Variants in ATP8A2 observed in about 807,000 individuals in gnomAD.
ATP8A2 encodes ATPase phospholipid transporting 8A2.
Under a neutral mutation model 165.6 loss-of-function variants are expected in ATP8A2, and 100 were observed. The ratio of observed to expected loss-of-function variants is 0.60; its 90% CI spans 0.51 to 0.71. The LOEUF is 0.71. Among genes scored for constraint, ATP8A2 ranks in the 30% least tolerant of loss-of-function variants. The probability of loss-of-function intolerance (pLI) is 0.00; values close to 1 mark genes in which losing one functional copy is unlikely to be tolerated. For synonymous variants in ATP8A2, 543 were observed against 548.8 expected (o/e 0.99, Z 0.15); for missense variants, 1,227 against 1,479.5 (o/e 0.83, Z 2.80).
intron 25 of ATP8A2, among the ~76,000 whole-genome samples, chr13:25,738,455 G>A (rs1265626144): frequency 6.6e-6 from 1 of 151,170 alleles, no homozygotes; most frequent in African/African-American, 2.4e-5. Context: ...CTACCACCAT[G>A]GCTGGGCATG....
chr13:25,555,157 A>G, intron 13 of ATP8A2, 89 bp downstream of exon 13: 1 of 909,522 alleles, frequency 1.1e-6, no homozygotes. Flanking sequence ...AGATTTTGCA[A>G]AAATACTTCT....
intron 33 of ATP8A2, among the ~76,000 whole-genome samples, chr13:25,925,570 C>T (rs1429743466): frequency 6.6e-6 from 1 of 151,930 alleles, no homozygotes; most frequent in Non-Finnish European, 1.5e-5. Context: ...GATGGGTCTC[C>T]TTCTTGACAG....
chr13:25,650,151 A>G (rs2041776484), intron 24 of ATP8A2, among the ~76,000 whole-genome samples: 1 of 152,192 alleles, frequency 6.6e-6, no homozygotes, highest in African/African-American at 2.4e-5. Context: ...GGGTGGGGCA[A>G]TGTTGTCAAA....
At chr13:25,626,965 A>C (rs1310217714) in intron 24 of ATP8A2, among the ~76,000 whole-genome samples, 2 of 152,148 alleles carry the variant, frequency 1.3e-5, no homozygotes, top group Non-Finnish European at 2.9e-5. Flanking sequence ...AGTATGGGGG[A>C]AACTGCCCCT....
chr13:25,555,110 A>T (rs374959078), intron 13 of ATP8A2, 42 bp downstream of exon 13: 2 of 1,345,130 alleles, frequency 1.5e-6, no homozygotes, highest in Non-Finnish European at 2.1e-6. Flanking sequence ...TGACACGAGC[A>T]TGAGGGAAAA....
intron 33 of ATP8A2, among the ~76,000 whole-genome samples, chr13:25,891,457 G>A (rs1261030393): frequency 1.3e-5 from 2 of 152,032 alleles, no homozygotes; most frequent in Admixed American, 6.6e-5. Flanking sequence ...CAAACAGCTG[G>A]GATTACAGGC....
intron 36 of ATP8A2, among the ~76,000 whole-genome samples, chr13:26,013,719 G>T (rs535714409): frequency 6.6e-6 from 1 of 151,946 alleles, no homozygotes. Context: ...ATTTATGAAC[G>T]TGAAGAATCA....
intron 1 of ATP8A2, among the ~76,000 whole-genome samples, chr13:25,458,088 G>C (rs551338297): frequency 1.3e-5 from 2 of 152,290 alleles, no homozygotes; most frequent in African/African-American, 4.8e-5. Flanking sequence ...TCTTGTACTT[G>C]ACTGTTGACT....
At chr13:25,791,990 T>C (rs1349619129) in intron 27 of ATP8A2, among the ~76,000 whole-genome samples, 1 of 152,206 alleles carries the variant, frequency 6.6e-6, no homozygotes, top group East Asian at 1.9e-4. Context: ...AAAATCATTT[T>C]AGTGTTGATT....
intron 2 of ATP8A2, among the ~76,000 whole-genome samples, chr13:25,490,249 C>T (rs979998601): frequency 2.0e-5 from 3 of 152,208 alleles, no homozygotes; most frequent in African/African-American, 7.2e-5. Context: ...TCCGAGCAGC[C>T]TCCTGGCCTG....
At chr13:25,897,294 C>T (rs1435306128) in intron 33 of ATP8A2, among the ~76,000 whole-genome samples, 1 of 152,132 alleles carries the variant, frequency 6.6e-6, no homozygotes, top group Non-Finnish European at 1.5e-5. Context: ...ACTTACGAAG[C>T]TTAGTTTGGC....
intron 33 of ATP8A2, among the ~76,000 whole-genome samples, chr13:25,941,288 C>G (rs1241369009): frequency 6.6e-6 from 1 of 152,154 alleles, no homozygotes; most frequent in Non-Finnish European, 1.5e-5. Flanking sequence ...ATAGCTGCTG[C>G]CTTGGTGACT....
At chr13:25,535,095 G>A (rs1326558942) in intron 6 of ATP8A2, among the ~76,000 whole-genome samples, 2 of 152,184 alleles carry the variant, frequency 1.3e-5, no homozygotes, top group African/African-American at 4.8e-5. Context: ...GATCAGGAAA[G>A]TCTGCCCTCC....
intron 1 of ATP8A2, among the ~76,000 whole-genome samples, chr13:25,412,908 C>G (rs888899757): frequency 3.9e-5 from 6 of 152,168 alleles, no homozygotes; most frequent in Non-Finnish European, 7.3e-5. Flanking sequence ...GCAACCTCTG[C>G]CTTCCAGGTT....
chr13:25,478,360 A>G (rs1388963863), intron 2 of ATP8A2, among the ~76,000 whole-genome samples: 1 of 152,218 alleles, frequency 6.6e-6, no homozygotes, highest in African/African-American at 2.4e-5. Context: ...TACTACTTAT[A>G]GCTGAGTCAC....
intron 1 of ATP8A2, among the ~76,000 whole-genome samples, chr13:25,415,649 C>T (rs748571311): frequency 6.6e-6 from 1 of 152,158 alleles, no homozygotes; most frequent in Non-Finnish European, 1.5e-5. Context: ...GACTTGCACA[C>T]GCGCACACTG....
chr13:25,515,274 A>T (rs1258186639), intron 2 of ATP8A2, among the ~76,000 whole-genome samples: 1 of 152,020 alleles, frequency 6.6e-6, no homozygotes, highest in African/African-American at 2.4e-5. Flanking sequence ...AGTTTGCCAG[A>T]CTCCATAGTT....
At chr13:25,761,437 G>T (rs2138248189) in intron 25 of ATP8A2, among the ~76,000 whole-genome samples, 1 of 152,138 alleles carries the variant, frequency 6.6e-6, no homozygotes, top group Middle Eastern at 3.4e-3. Flanking sequence ...ATTCTATTGT[G>T]GTGGAATCTG....
chr13:25,853,633 C>T (rs1432513022), intron 30 of ATP8A2, among the ~76,000 whole-genome samples: 1 of 152,124 alleles, frequency 6.6e-6, no homozygotes, highest in African/African-American at 2.4e-5. Context: ...CCCATGCCTG[C>T]TAACCCTTTT....
Sources: gnomAD v4.1 joint callset for allele counts (sites outside exome capture counted in the v4.1 genomes callset) on GRCh38, gnomAD v4.1.1 for gene constraint, MANE v1.5 for transcripts, NCBI Gene and HGNC (gene_info 2026-07-23, HGNC 2026-07-21) for gene names.